Variants in PHF10 observed in about 807,000 individuals in gnomAD.
The protein encoded by PHF10 is BRG1-associated factor 45a.
A neutral mutation model predicts 68.5 loss-of-function variants in PHF10; 51 were observed. The observed-to-expected ratio is 0.74, with a 90% CI of 0.59 to 0.94. The LOEUF (loss-of-function observed/expected upper bound fraction) is 0.94, where lower values mean the gene tolerates loss of function less well. Ranked by LOEUF, PHF10 falls within the 40% of genes least tolerant of loss-of-function variation. PHF10 has a pLI of 0.00. For synonymous variants in PHF10, 204 were observed against 203.5 expected (o/e 1.00, Z -0.02); for missense variants, 460 against 602.6 (o/e 0.76, Z 2.48).
intron 8 of PHF10, among the ~76,000 whole-genome samples, chr6:169,711,386 T>C (rs986639695): frequency 2.6e-5 from 4 of 152,208 alleles, no homozygotes; most frequent in African/African-American, 4.8e-5. Context: ...GCATAAAAAA[T>C]ACTGTCAACA....
At position 169,714,828 on chromosome 6, in the gene PHF10, A is replaced by T; in HGVS notation, c.708T>A (p.Pro236=). The T allele has an allele frequency of 6.4e-7, 1 of 1,553,656 alleles. No homozygotes were observed. The highest frequency in any genetic ancestry group is 1.1e-5 in the South Asian group (1 of 89,834). The change falls in exon 7 of 12, where the codon CCT becomes CCA. Residue 236 remains proline (P), a synonymous_variant. Transcript: ENST00000339209. ...FDLQTHVIQV[P]QGKYKVLPTE... ...TTGGCAAAACTTTGTACTTCCCTTGAGGTACCTGGATAACCTACGTTAACA... is the reference window on the plus strand; with the variant it reads ...TTGGCAAAACTTTGTACTTCCCTTGTGGTACCTGGATAACCTACGTTAACA...
At chr6:169,712,817 G>A (rs1788955803) in intron 7 of PHF10, among the ~76,000 whole-genome samples, 1 of 152,044 alleles carries the variant, frequency 6.6e-6, no homozygotes, top group African/African-American at 2.4e-5. Flanking sequence ...TAAATAAAAT[G>A]TCAGCAGCCC....
chr6:169,706,921 C>T (rs776889487), intron 9 of PHF10: 26 of 152,148 alleles, frequency 1.7e-4, no homozygotes, highest in Non-Finnish European at 2.9e-4. Context: ...TATATTCCAG[C>T]TTTGAAATGT....
At chr6:169,706,739 C>CACAT (rs1788807033) in intron 9 of PHF10, among the ~76,000 whole-genome samples, 1 of 111,002 alleles carries the variant, frequency 9.0e-6, no homozygotes, top group African/African-American at 4.7e-5. Flanking sequence ...CACACACACA[C>CACAT]ACACACACAC....
chr6:169,707,922 AGCCACAGT>A (rs1788842039), intron 9 of PHF10: 2 of 152,180 alleles, frequency 1.3e-5, no homozygotes, highest in South Asian at 4.1e-4. Context: ...CTCTCTAAGA[AGCCACAGT>A]GCTGGCATCC....
At chr6:169,718,731 A>G in intron 3 of PHF10, 57 bp downstream of exon 3, 5 of 984,776 alleles carry the variant, frequency 5.1e-6, no homozygotes, top group Non-Finnish European at 4.6e-6. Context: ...AGAAGTTGAC[A>G]GTGTATCATA....
Position 169,717,842 on chromosome 6 carries a change from A to T in PHF10, c.390T>A (p.Thr130=). ...KLYLRELNVI[T]ETQCTLGLTA... ...TCTTACCTAGAGTGCACTGAGTTTC[A>T]GTAATGACATTTAGCTCTCTCAGGT... is the stretch of plus-strand genomic sequence containing the variant. Residue 130 remains threonine (T), a synonymous_variant, in exon 4 of 12, where the codon ACT becomes ACA. Transcript: ENST00000339209. 6.5e-7 allele frequency: 1 copy of T among 1,531,372 alleles called. No homozygotes were observed. Among genetic ancestry groups the T allele is most frequent in the Non-Finnish European group, 9.0e-7 (1 of 1,110,726 alleles). 94.9% of individuals were successfully genotyped at this position (1,531,372 alleles called of 1,614,324 possible).
In PHF10 at chr6:169,714,767, G is replaced by C. The variant is rs752380140; in HGVS notation, c.769C>G (p.Leu257Val). Residue 257 changes from leucine (L) to valine (V), a missense_variant, in exon 7 of 12, where the codon CTC (leucine) becomes GTC (valine). Coordinates refer to ENST00000339209, the MANE Select transcript of PHF10 (RefSeq NM_018288.4). Reference protein sequence around the residue: ...RTKVSSYPVALIPGQFQEYYK... With the variant: ...RTKVSSYPVAVIPGQFQEYYK... ...TATTCCTGGAACTGTCCGGGGATGA[G>C]AGCCACTGGGTAAGAACTGACCTTT... The C allele has an allele frequency of 5.6e-6, 9 of 1,596,874 alleles. No homozygotes were observed. Among genetic ancestry groups the C allele is most frequent in the Admixed American group, 5.0e-5 (3 of 59,996 alleles).
intron 2 of PHF10, 68 bp from the exon 3 acceptor site, chr6:169,718,986 G>C (rs1789116004): frequency 9.4e-7 from 1 of 1,059,446 alleles, no homozygotes; most frequent in Non-Finnish European, 1.4e-6. Flanking sequence ...TTTTATTGAG[G>C]ATATTTTGAA....
intron 9 of PHF10, chr6:169,709,997 A>C (rs1021917264): frequency 1.7e-5 from 5 of 299,596 alleles, no homozygotes; most frequent in Non-Finnish European, 6.1e-6. Flanking sequence ...TTCAAAGAAA[A>C]AAAAAGACTT....
chr6:169,714,942 C>A, intron 6 of PHF10, 100 bp from the exon 7 acceptor site: 1 of 698,478 alleles, frequency 1.4e-6, no homozygotes, highest in African/African-American at 1.8e-5. Flanking sequence ...CCACTTCCCC[C>A]TCGAAAAGCT....
intron 9 of PHF10, among the ~76,000 whole-genome samples, chr6:169,706,504 T>C (rs1447348144): frequency 6.6e-6 from 1 of 152,232 alleles, no homozygotes; most frequent in East Asian, 1.9e-4. Context: ...AGTGAAGGTG[T>C]CTGAATTTTA....
rs761873979 is a variant in PHF10 at position 169,717,894 on chromosome 6, C to T, written c.338G>A (p.Arg113Gln). 6.5e-7 allele frequency: 1 copy of T among 1,546,324 alleles called. No homozygotes were observed. ...FKRKYPDLER[R>Q]DLSHKEKLYL... ...GAGTTTCTCCTTGTGAGACAAATCT[C>T]GTCGCTCTAAATCTCCAAAAAAAAG... Residue 113 changes from arginine (R) to glutamine (Q), a missense_variant, in exon 4 of 12, where the codon CGA becomes CAA. Physicochemically the swap from Arg to Gln is conservative, Grantham distance 43 (BLOSUM62 1). Coordinates refer to ENST00000339209, the MANE Select transcript of PHF10 (RefSeq NM_018288.4).
At chr6:169,719,603 G>A (rs1789130348) in intron 2 of PHF10, among the ~76,000 whole-genome samples, 1 of 152,128 alleles carries the variant, frequency 6.6e-6, no homozygotes, top group Non-Finnish European at 1.5e-5. Flanking sequence ...AAAGAACAGT[G>A]TTCTCAAAAA....
intron 11 of PHF10, 104 bp downstream of exon 11, chr6:169,705,028 GA>G: frequency 2.7e-6 from 2 of 754,132 alleles, no homozygotes; most frequent in South Asian, 4.6e-5. Flanking sequence ...TTGCACATAA[GA>G]GTCCACAAGC....
At chr6:169,708,688 G>A (rs1483359010) in intron 9 of PHF10, 1 of 152,182 alleles carries the variant, frequency 6.6e-6, no homozygotes, top group East Asian at 1.9e-4. Flanking sequence ...CTAAATCAAT[G>A]ATAGTGTTGA....
At chr6:169,717,172 C>G (rs1789069620) in intron 4 of PHF10, among the ~76,000 whole-genome samples, 1 of 152,028 alleles carries the variant, frequency 6.6e-6, no homozygotes, top group Non-Finnish European at 1.5e-5. Flanking sequence ...TTCCTTGAAC[C>G]CGGGAGATGG....
At chr6:169,705,091 T>C (rs763540322) in intron 11 of PHF10, 42 bp downstream of exon 11, 9 of 1,458,378 alleles carry the variant, frequency 6.2e-6, no homozygotes, top group Non-Finnish European at 7.5e-6. Context: ...TGGGAGAGTC[T>C]CATCACCCAA....
intron 9 of PHF10, chr6:169,708,968 T>G (rs1788867728): frequency 6.6e-6 from 1 of 152,048 alleles, no homozygotes; most frequent in African/African-American, 2.4e-5. Flanking sequence ...ATAAGCTATA[T>G]ATGTAAAAAC....
Sources: gnomAD v4.1 joint callset for allele counts (sites outside exome capture counted in the v4.1 genomes callset) on GRCh38, gnomAD v4.1.1 for gene constraint, MANE v1.5 for transcripts, NCBI Gene and HGNC (gene_info 2026-07-23, HGNC 2026-07-21) for gene names.